PHF21A: variants seen among roughly 807,000 people sequenced by gnomAD.
PHF21A encodes BHC80a.
PHF21A carries 11 observed loss-of-function variants against 82.5 expected under a neutral mutation model. That is an observed-to-expected ratio of 0.13 (90% CI 0.08 to 0.22). The LOEUF is 0.22. Among genes scored for constraint, PHF21A ranks in the 10% least tolerant of loss-of-function variants. The probability of loss-of-function intolerance (pLI) is 1.00; values close to 1 mark genes in which losing one functional copy is unlikely to be tolerated. For synonymous variants in PHF21A, 297 were observed against 302.8 expected (o/e 0.98, Z 0.20); for missense variants, 579 against 837.8 (o/e 0.69, Z 3.81).
At chr11:46,075,304 T>G (rs1409312918) in intron 6 of PHF21A, among the ~76,000 whole-genome samples, 2 of 152,226 alleles carry the variant, frequency 1.3e-5, no homozygotes, top group Non-Finnish European at 2.9e-5. Flanking sequence ...ATCTTAACTT[T>G]GCAACAGCAT....
At chr11:46,028,552 T>TTA (rs904880370) in intron 6 of PHF21A, among the ~76,000 whole-genome samples, 8 of 151,496 alleles carry the variant, frequency 5.3e-5, no homozygotes, top group African/African-American at 1.9e-4. Flanking sequence ...AAATATTACT[T>TTA]TATACTTTAA....
At chr11:46,046,609 T>C (rs1002553431) in intron 6 of PHF21A, among the ~76,000 whole-genome samples, 4 of 152,222 alleles carry the variant, frequency 2.6e-5, no homozygotes, top group African/African-American at 9.6e-5. Context: ...ATTTTGTGCA[T>C]ATATTTCCCT....
chr11:46,069,012 A>T (rs1019065356), intron 6 of PHF21A, among the ~76,000 whole-genome samples: 2 of 152,200 alleles, frequency 1.3e-5, no homozygotes, highest in Admixed American at 1.3e-4. Context: ...AGGTACAACT[A>T]GCAGCAACAG....
At chr11:46,051,188 GATAA>G (rs952008100) in intron 6 of PHF21A, among the ~76,000 whole-genome samples, 22 of 152,176 alleles carry the variant, frequency 1.4e-4, no homozygotes, top group African/African-American at 5.1e-4. Flanking sequence ...TTTAATTCTT[GATAA>G]ATAAAGTATG....
rs1434650958 is a variant in PHF21A at position 45,930,970 on chromosome 11, C to T, written c.*2998G>A. 4 of 127,386 alleles carry T rather than the reference C, an allele frequency of 3.1e-5. No individual in the cohort carries two copies. The highest frequency in any genetic ancestry group is 6.5e-5 in the Non-Finnish European group (4 of 61,868). 7.9% of individuals were successfully genotyped at this position (127,386 alleles called of 1,614,324 possible). The stretch of plus-strand genomic sequence containing the variant: ...GGACAGGGAGATTGGGTGCCAGGGG[C>T]CTCTTCTTTACAGTAAAGCAGTGTT... On this transcript the variant is annotated 3_prime_UTR_variant, in exon 19 of 19. Coordinates refer to ENST00000676320, the MANE Select transcript of PHF21A (RefSeq NM_001352027.3).
intron 1 of PHF21A, among the ~76,000 whole-genome samples, chr11:46,118,417 TAAAA>T (rs10718245): frequency 6.1e-5 from 8 of 131,502 alleles, no homozygotes; most frequent in Non-Finnish European, 8.2e-5. Context: ...AGTCTGATGT[TAAAA>T]AAAAAAAAAA....
At chr11:46,065,478 C>T (rs2096583734) in intron 6 of PHF21A, among the ~76,000 whole-genome samples, 1 of 152,176 alleles carries the variant, frequency 6.6e-6, no homozygotes, top group African/African-American at 2.4e-5. Flanking sequence ...AATATGGGTC[C>T]TGATAGTGTT....
chr11:46,088,717 T>C (rs2096885583), intron 3 of PHF21A, among the ~76,000 whole-genome samples: 1 of 152,250 alleles, frequency 6.6e-6, no homozygotes, highest in South Asian at 2.1e-4. Context: ...TAAAGTTTTA[T>C]GATAGTTTTA....
chr11:46,085,950 C>T (rs2096851653), intron 3 of PHF21A, among the ~76,000 whole-genome samples: 1 of 151,208 alleles, frequency 6.6e-6, no homozygotes, highest in Non-Finnish European at 1.5e-5. Context: ...AGAATAAATT[C>T]CAAAAGTGCA....
chr11:46,090,712 G>A (rs952938837), intron 2 of PHF21A, 146 bp from the exon 3 acceptor site: 59 of 130,124 alleles, frequency 4.5e-4, no homozygotes, highest in African/African-American at 1.7e-3. Flanking sequence ...TATAGAAAAT[G>A]AGCTACATTT....
At chr11:45,965,230 A>C in intron 10 of PHF21A, 85 bp downstream of exon 10, 1 of 1,161,308 alleles carries the variant, frequency 8.6e-7, no homozygotes, top group East Asian at 2.5e-5. Context: ...AGAGCCCTTG[A>C]GAAAATGTAT....
intron 9 of PHF21A, among the ~76,000 whole-genome samples, chr11:45,968,767 T>C (rs1375210175): frequency 1.3e-5 from 2 of 151,754 alleles, no homozygotes; most frequent in East Asian, 1.9e-4. Context: ...CCGTCTCTAC[T>C]AAAAATACAA....
chr11:46,018,184 A>C (rs963189950), intron 6 of PHF21A, among the ~76,000 whole-genome samples: 1 of 148,954 alleles, frequency 6.7e-6, no homozygotes, highest in Non-Finnish European at 1.5e-5. Context: ...CGGGAGGCGG[A>C]GCTTGCAGTG....
intron 6 of PHF21A, among the ~76,000 whole-genome samples, chr11:45,983,419 T>A (rs532085244): frequency 6.6e-6 from 1 of 152,286 alleles, no homozygotes; most frequent in East Asian, 1.9e-4. Context: ...CAGAAATGAA[T>A]TGTCCCTTAC....
chr11:46,090,074 C>T (rs1261710128), intron 3 of PHF21A, among the ~76,000 whole-genome samples: 2 of 150,736 alleles, frequency 1.3e-5, no homozygotes, highest in African/African-American at 2.4e-5. Context: ...AAATCAGGCA[C>T]GTCTACTAGA....
intron 1 of PHF21A, among the ~76,000 whole-genome samples, chr11:46,118,523 T>C (rs1348863999): frequency 6.6e-6 from 1 of 152,150 alleles, no homozygotes; most frequent in African/African-American, 2.4e-5. Context: ...TTAAGGATAG[T>C]TGTACATCTA....
intron 1 of PHF21A, among the ~76,000 whole-genome samples, chr11:46,094,720 A>G (rs2096970216): frequency 6.6e-6 from 1 of 152,162 alleles, no homozygotes. Context: ...ATTATTTCGT[A>G]GAAGTCTCTA....
chr11:46,073,372 A>G lies in PHF21A; in HGVS notation c.153+3382T>C, dbSNP rs574636460. 7.2e-5 allele frequency among the ~76,000 whole-genome samples: 11 copies of G among 152,142 alleles called. No individual in the cohort carries two copies. In the East Asian group the frequency reaches 1.7e-3, roughly 24 times the overall value. ...GGATTCTCTGATTAGAGTGGTTCAT[A>G]TATTTAATACCATGAGAAGAATGTC... On this transcript the variant is annotated intron_variant, in intron 6 of 18. Coordinates refer to ENST00000676320, the MANE Select transcript of PHF21A (RefSeq NM_001352027.3).
Position 45,938,331 on chromosome 11 carries a change from A to G in PHF21A, c.1453-19T>C. 1 of 1,598,202 alleles carries G rather than the reference A, an allele frequency of 6.3e-7. No homozygotes were observed. Among genetic ancestry groups the G allele is most frequent in the Non-Finnish European group, 8.5e-7 (1 of 1,171,802 alleles). On this transcript the variant is annotated intron_variant, in intron 15 of 18. Transcript: ENST00000676320. ...TATCACCCTATAAAGTTGAGAGGAA[A>G]GGTAAGAAAAAGGACAAAAAAGGTA...
Sources: gnomAD v4.1 joint callset for allele counts (sites outside exome capture counted in the v4.1 genomes callset) on GRCh38, gnomAD v4.1.1 for gene constraint, MANE v1.5 for transcripts, NCBI Gene and HGNC (gene_info 2026-07-23, HGNC 2026-07-21) for gene names.